The following CLSTN2 variants were observed in gnomAD, a reference collection of about 807,000 sequenced individuals.
CLSTN2 encodes the protein calsyntenin-2.
A neutral mutation model predicts 101.2 loss-of-function variants in CLSTN2; 48 were observed. The ratio of observed to expected loss-of-function variants is 0.47; its 90% CI spans 0.38 to 0.60. The LOEUF is 0.60. Ranked by LOEUF, CLSTN2 falls within the 20% of genes least tolerant of loss-of-function variation. The probability of loss-of-function intolerance (pLI) is 0.00; values close to 1 mark genes in which losing one functional copy is unlikely to be tolerated. For missense variants in CLSTN2, 1,160 were observed against 1,238.2 expected (o/e 0.94, Z 0.95); for synonymous variants, 481 against 463.6 (o/e 1.04, Z -0.48).
chr3:140,561,729 C>T (rs1285207746), intron 12 of CLSTN2, among the ~76,000 whole-genome samples: 1 of 152,148 alleles, frequency 6.6e-6, no homozygotes, highest in Admixed American at 6.5e-5. Flanking sequence ...AGGCCACTTA[C>T]CTCTACCCAA....
At chr3:140,216,611 G>A (rs1305736688) in intron 2 of CLSTN2, among the ~76,000 whole-genome samples, 1 of 152,190 alleles carries the variant, frequency 6.6e-6, no homozygotes, top group African/African-American at 2.4e-5. Context: ...GTTCTTGGGT[G>A]TTGAGACCCT....
intron 6 of CLSTN2, among the ~76,000 whole-genome samples, chr3:140,456,192 TCA>T (rs1933394021): frequency 6.6e-6 from 1 of 152,158 alleles, no homozygotes; most frequent in Non-Finnish European, 1.5e-5. Context: ...TCTCTGGGCC[TCA>T]GTTTCTATGT....
intron 2 of CLSTN2, among the ~76,000 whole-genome samples, chr3:140,315,575 G>A (rs959234806): frequency 6.6e-6 from 1 of 152,190 alleles, no homozygotes; most frequent in African/African-American, 2.4e-5. Flanking sequence ...TGGGCCAAAT[G>A]TGAGACCTTC....
chr3:140,386,762 T>C (rs927400035), intron 2 of CLSTN2, among the ~76,000 whole-genome samples: 1 of 152,238 alleles, frequency 6.6e-6, no homozygotes, highest in Non-Finnish European at 1.5e-5. Flanking sequence ...ACAAGAGCCA[T>C]GTTGAGCCAT....
chr3:140,316,409 G>A (rs1365107115), intron 2 of CLSTN2, among the ~76,000 whole-genome samples: 1 of 152,202 alleles, frequency 6.6e-6, no homozygotes, highest in Non-Finnish European at 1.5e-5. Flanking sequence ...GCATATATCA[G>A]GGGCCAACCA....
At chr3:140,435,385 A>C (rs2088675076) in intron 5 of CLSTN2, among the ~76,000 whole-genome samples, 1 of 152,208 alleles carries the variant, frequency 6.6e-6, no homozygotes, top group Non-Finnish European at 1.5e-5. Flanking sequence ...ATGCTGTTGC[A>C]AATAACCGGA....
chr3:140,258,870 C>T (rs1369929968), intron 2 of CLSTN2, among the ~76,000 whole-genome samples: 1 of 152,134 alleles, frequency 6.6e-6, no homozygotes, highest in Non-Finnish European at 1.5e-5. Context: ...GTGGAATTAT[C>T]TTTATTTTCA....
intron 1 of CLSTN2, among the ~76,000 whole-genome samples, chr3:140,124,293 T>A (rs1485088511): frequency 6.6e-6 from 1 of 152,120 alleles, no homozygotes; most frequent in African/African-American, 2.4e-5. Flanking sequence ...AAAGAAATCC[T>A]CCTAACAGCT....
intron 1 of CLSTN2, among the ~76,000 whole-genome samples, chr3:140,115,902 C>T (rs974263449): frequency 6.6e-6 from 1 of 152,184 alleles, no homozygotes; most frequent in African/African-American, 2.4e-5. Flanking sequence ...AGAGTGGGCT[C>T]CGTTGTTAGG....
At chr3:140,526,025 G>A (rs6773345) in intron 8 of CLSTN2, among the ~76,000 whole-genome samples, 9,994 of 152,082 alleles carry the variant, frequency 0.066, 385 homozygotes, top group Non-Finnish European at 0.096. Flanking sequence ...ACAAGACAAG[G>A]ACACCTATTC....
chr3:139,995,210 C>T (rs1158178339), intron 1 of CLSTN2, among the ~76,000 whole-genome samples: 1 of 152,170 alleles, frequency 6.6e-6, no homozygotes, highest in South Asian at 2.1e-4. Context: ...CCTTCCTGAG[C>T]TCTCAATATC....
intron 1 of CLSTN2, among the ~76,000 whole-genome samples, chr3:140,111,451 G>T (rs1161505498): frequency 6.6e-6 from 1 of 152,042 alleles, no homozygotes; most frequent in Non-Finnish European, 1.5e-5. Context: ...CTCGCAAACG[G>T]GCCACCTTGA....
At chr3:140,513,583 C>CTTCTTTTTTT (rs374321434) in intron 8 of CLSTN2, among the ~76,000 whole-genome samples, 2 of 117,754 alleles carry the variant, frequency 1.7e-5, no homozygotes, top group Non-Finnish European at 3.3e-5. Context: ...TTTTTTCTTT[C>CTTCTTTTTTT]TTTTTTTTTT....
At chr3:140,045,965 G>T (rs182003221) in intron 1 of CLSTN2, among the ~76,000 whole-genome samples, 1 of 152,204 alleles carries the variant, frequency 6.6e-6, no homozygotes, top group East Asian at 1.9e-4. Context: ...GAATAAGTGC[G>T]ATGTGGTGCT....
chr3:140,422,647 C>T (rs2088518417), intron 5 of CLSTN2, among the ~76,000 whole-genome samples: 2 of 152,184 alleles, frequency 1.3e-5, no homozygotes, highest in Non-Finnish European at 2.9e-5. Context: ...AAAGCAGAGT[C>T]ATCTTTGTGT....
chr3:140,529,203 T>C (rs1032866258), intron 8 of CLSTN2, among the ~76,000 whole-genome samples: 4 of 152,188 alleles, frequency 2.6e-5, no homozygotes, highest in African/African-American at 9.7e-5. Flanking sequence ...CAGACCTCCT[T>C]TGGCGTTGTC....
chr3:140,404,501 G>C, intron 3 of CLSTN2, 57 bp from the exon 4 acceptor site: 3 of 1,514,206 alleles, frequency 2.0e-6, no homozygotes, highest in African/African-American at 2.7e-5. Flanking sequence ...GGAGGTACAG[G>C]AGGTTGGTGT....
intron 2 of CLSTN2, among the ~76,000 whole-genome samples, chr3:140,281,527 C>G (rs569903903): frequency 2.0e-5 from 3 of 152,230 alleles, no homozygotes; most frequent in Non-Finnish European, 2.9e-5. Flanking sequence ...TCCAGAAACA[C>G]GTAGAGGAAG....
chr3:140,103,867 G>T (rs898164952), intron 1 of CLSTN2, among the ~76,000 whole-genome samples: 1 of 152,162 alleles, frequency 6.6e-6, no homozygotes, highest in Non-Finnish European at 1.5e-5. Flanking sequence ...AAAGGGATTT[G>T]CAAGACAAGG....
Sources: gnomAD v4.1 joint callset for allele counts (sites outside exome capture counted in the v4.1 genomes callset) on GRCh38, gnomAD v4.1.1 for gene constraint, MANE v1.5 for transcripts, NCBI Gene and HGNC (gene_info 2026-07-23, HGNC 2026-07-21) for gene names.